Variants in LRRC4C observed in about 807,000 individuals in gnomAD.
LRRC4C encodes leucine-rich repeat-containing protein 4C.
LRRC4C carries 5 observed loss-of-function variants against 33.6 expected under a neutral mutation model. That is an observed-to-expected ratio of 0.15 (90% CI 0.08 to 0.31). LRRC4C has a LOEUF of 0.31. LRRC4C is among the 10% of genes least tolerant of loss of function. The pLI is 1.00. For synonymous variants in LRRC4C, 329 were observed against 302.0 expected, an observed-to-expected ratio of 1.09 and a Z score of -0.93; for missense variants, 560 against 796.7, an observed-to-expected ratio of 0.70 and a Z score of 3.58.
chr11:40,289,300 A>G (rs1944041724), intron 4 of LRRC4C, among the ~76,000 whole-genome samples: 1 of 152,214 alleles, frequency 6.6e-6, no homozygotes. Context: ...TTATGCTTGC[A>G]GCTTTGCATA....
intron 2 of LRRC4C, among the ~76,000 whole-genome samples, chr11:40,655,079 C>A (rs1943030896): frequency 6.6e-6 from 1 of 152,184 alleles, no homozygotes; most frequent in African/African-American, 2.4e-5. Context: ...TATAAATTAA[C>A]CAGTCTCAGG....
Position 41,115,235 on chromosome 11 carries a change from T to C in LRRC4C, c.-495-181512A>G, listed in dbSNP as rs535021641. ...GGAAAAGCAGGACCTTCTTTTGATATGTTAATTAACAAATTCTTGAGGTTT... is the reference window on the plus strand; with the variant it reads ...GGAAAAGCAGGACCTTCTTTTGATACGTTAATTAACAAATTCTTGAGGTTT... On this transcript the variant is annotated intron_variant, in intron 1 of 6. Transcript: ENST00000528697. 2.3e-3 allele frequency among the ~76,000 whole-genome samples: 356 copies of C among 152,252 alleles called. 1 individual carries two copies. Among genetic ancestry groups the C allele is most frequent in the African/African-American group, 8.2e-3 (340 of 41,580 alleles).
intron 3 of LRRC4C, among the ~76,000 whole-genome samples, chr11:40,487,100 A>G (rs1040781361): frequency 1.9e-4 from 29 of 152,212 alleles, no homozygotes; most frequent in African/African-American, 6.5e-4. Context: ...TGGACTACGA[A>G]CTTGATGGCT....
At chr11:40,988,616 C>T (rs1006304695) in intron 1 of LRRC4C, among the ~76,000 whole-genome samples, 2 of 152,070 alleles carry the variant, frequency 1.3e-5, no homozygotes, top group Admixed American at 6.6e-5. Context: ...TGGTTGAATC[C>T]CCTATGATCC....
chr11:40,881,985 GT>G (rs1486134468), intron 2 of LRRC4C, among the ~76,000 whole-genome samples: 2 of 151,786 alleles, frequency 1.3e-5, no homozygotes, highest in African/African-American at 4.8e-5. Context: ...AAGTCAGCAG[GT>G]TTTTTTTCTT....
intron 2 of LRRC4C, among the ~76,000 whole-genome samples, chr11:40,659,089 A>AC (rs1943282331): frequency 1.3e-5 from 2 of 152,186 alleles, no homozygotes; most frequent in South Asian, 4.1e-4. Flanking sequence ...GGAAGCCCCT[A>AC]CATCCATAGG....
chr11:40,818,841 G>T (rs562719436), intron 2 of LRRC4C, among the ~76,000 whole-genome samples: 1 of 152,042 alleles, frequency 6.6e-6, no homozygotes, highest in East Asian at 1.9e-4. Flanking sequence ...TTCATACCTA[G>T]CTAAATAATA....
intron 3 of LRRC4C, among the ~76,000 whole-genome samples, chr11:40,591,796 G>A (rs1959071002): frequency 6.6e-6 from 1 of 152,174 alleles, no homozygotes; most frequent in Admixed American, 6.5e-5. Context: ...TCTTGTAAAT[G>A]CCTATATTAA....
In LRRC4C at chr11:40,629,027, CAA is replaced by C. The variant is rs542065739; in HGVS notation, c.-270+19113_-270+19114del. Among the ~76,000 whole-genome samples, 35 of 152,010 alleles carry C rather than the reference CAA, an allele frequency of 2.3e-4. No individual in the cohort carries two copies. In the South Asian group the frequency reaches 7.3e-3, roughly 32 times the overall value. ...TGGGGTAAAAATATAAACAAAAAAACAAAAATTGAAGTTTCATCTTAAACATT... is the reference window on the plus strand; with the variant it reads ...TGGGGTAAAAATATAAACAAAAAAACAAATTGAAGTTTCATCTTAAACATT... On this transcript the variant is annotated intron_variant, in intron 3 of 6. Transcript: ENST00000528697.
At chr11:40,980,637 A>C (rs1852450011) in intron 1 of LRRC4C, among the ~76,000 whole-genome samples, 1 of 152,228 alleles carries the variant, frequency 6.6e-6, no homozygotes. Context: ...CCTTTCATTA[A>C]AATACTTGCG....
chr11:40,273,097 A>G (rs562490293), intron 4 of LRRC4C, among the ~76,000 whole-genome samples: 4 of 152,306 alleles, frequency 2.6e-5, no homozygotes, highest in African/African-American at 9.6e-5. Flanking sequence ...CTTGCTTTAA[A>G]TACACTTTAA....
intron 1 of LRRC4C, among the ~76,000 whole-genome samples, chr11:41,400,510 G>A (rs770943444): frequency 2.0e-5 from 3 of 151,740 alleles, no homozygotes; most frequent in Non-Finnish European, 4.4e-5. Context: ...TGGGAACGCT[G>A]GGAATTCTAC....
chr11:40,306,012 A>T (rs2136703087), intron 4 of LRRC4C, among the ~76,000 whole-genome samples: 1 of 152,314 alleles, frequency 6.6e-6, no homozygotes, highest in East Asian at 1.9e-4. Context: ...ATAATGTAGC[A>T]AATGTGACCA....
At chr11:41,067,740 G>A (rs749840105) in intron 1 of LRRC4C, among the ~76,000 whole-genome samples, 5 of 152,138 alleles carry the variant, frequency 3.3e-5, no homozygotes, top group African/African-American at 4.8e-5. Context: ...TCAAACTCAG[G>A]ATTAAGAAAC....
intron 3 of LRRC4C, among the ~76,000 whole-genome samples, chr11:40,611,930 G>A (rs1961260639): frequency 6.6e-6 from 1 of 150,816 alleles, no homozygotes; most frequent in Admixed American, 6.6e-5. Context: ...TACGTTAGGG[G>A]AGAATGTAAA....
At chr11:40,911,488 G>T (rs1442818545) in intron 2 of LRRC4C, among the ~76,000 whole-genome samples, 1 of 152,174 alleles carries the variant, frequency 6.6e-6, no homozygotes, top group East Asian at 1.9e-4. Context: ...TGAGGGTCCT[G>T]ACTCTTAGAA....
intron 5 of LRRC4C, among the ~76,000 whole-genome samples, chr11:40,226,775 CTTCT>C (rs1864830503): frequency 6.6e-6 from 1 of 152,122 alleles, no homozygotes; most frequent in African/African-American, 2.4e-5. Context: ...CTTAAATTAT[CTTCT>C]AGGATTAAAA....
chr11:40,928,765 CAT>C (rs1438667937), intron 2 of LRRC4C, among the ~76,000 whole-genome samples: 2 of 152,044 alleles, frequency 1.3e-5, no homozygotes, highest in African/African-American at 4.8e-5. Context: ...ATAAAAATAT[CAT>C]ATGTGAATTA....
chr11:41,090,186 T>G (rs1475420043), intron 1 of LRRC4C, among the ~76,000 whole-genome samples: 1 of 152,100 alleles, frequency 6.6e-6, no homozygotes, highest in Non-Finnish European at 1.5e-5. Flanking sequence ...CAGAAGAATG[T>G]GCATAATATG....
Sources: gnomAD v4.1 joint callset for allele counts (sites outside exome capture counted in the v4.1 genomes callset) on GRCh38, gnomAD v4.1.1 for gene constraint, MANE v1.5 for transcripts, NCBI Gene and HGNC (gene_info 2026-07-23, HGNC 2026-07-21) for gene names.